The following DTNA variants were observed in gnomAD, a reference collection of about 807,000 sequenced individuals.
DTNA encodes dystrobrevin alpha.
A neutral mutation model predicts 100.7 loss-of-function variants in DTNA; 43 were observed. The observed-to-expected ratio is 0.43, with a 90% CI of 0.33 to 0.55. The LOEUF (loss-of-function observed/expected upper bound fraction) is 0.55, where lower values mean the gene tolerates loss of function less well. DTNA is among the 20% of genes least tolerant of loss of function. The pLI, the probability that DTNA is intolerant of heterozygous loss-of-function variation, is 0.04. For synonymous variants in DTNA, 349 were observed against 347.9 expected (o/e 1.00, Z -0.04); for missense variants, 798 against 953.9 (o/e 0.84, Z 2.15).
intron 17 of DTNA, among the ~76,000 whole-genome samples, chr18:34,873,740 T>C (rs1357871642): frequency 6.6e-6 from 1 of 152,202 alleles, no homozygotes; most frequent in Non-Finnish European, 1.5e-5. Flanking sequence ...TGTGAAATTA[T>C]TTATTATTGG....
At chr18:34,556,564 T>G (rs1267423918) in intron 1 of DTNA, among the ~76,000 whole-genome samples, 2 of 152,158 alleles carry the variant, frequency 1.3e-5, no homozygotes, top group Non-Finnish European at 2.9e-5. Flanking sequence ...AGGGCAGGCC[T>G]GGTGGTGACA....
intron 1 of DTNA, among the ~76,000 whole-genome samples, chr18:34,664,988 T>C (rs1015690285): frequency 9.2e-5 from 14 of 151,388 alleles, no homozygotes; most frequent in South Asian, 2.1e-4. Flanking sequence ...TCTTCTTCTT[T>C]TTTTTTTTTT....
intron 1 of DTNA, among the ~76,000 whole-genome samples, chr18:34,620,274 G>A (rs911681288): frequency 2.0e-5 from 3 of 152,104 alleles, no homozygotes; most frequent in Admixed American, 2.0e-4. Flanking sequence ...AAAATGAGAG[G>A]TAGCTAAATG....
Position 34,829,494 on chromosome 18 carries a change from G to C in DTNA, c.1175+5G>C. 2 of 1,512,678 alleles carry C rather than the reference G, an allele frequency of 1.3e-6. No homozygotes were observed. Among genetic ancestry groups the C allele is most frequent in the Non-Finnish European group, 1.8e-6 (2 of 1,130,292 alleles). 93.7% of individuals were successfully genotyped at this position (1,512,678 alleles called of 1,614,324 possible). A position where few individuals can be genotyped will look rare whatever the true frequency, so the allele number is the denominator to read the frequency against. On this transcript the variant is annotated splice_donor_5th_base_variant and intron_variant, in intron 11 of 22. Transcript: ENST00000444659. ...TCAGCTTGATCACGGTGCACGGTCAGTATCCCAGCCCTGAATTGCTAATCG... is the reference window on the plus strand; with the variant it reads ...TCAGCTTGATCACGGTGCACGGTCACTATCCCAGCCCTGAATTGCTAATCG...
At chr18:34,565,000 T>G (rs1174066420) in intron 1 of DTNA, among the ~76,000 whole-genome samples, 1 of 152,248 alleles carries the variant, frequency 6.6e-6, no homozygotes, top group Non-Finnish European at 1.5e-5. Context: ...TTGCATGCAC[T>G]CTACCTTATA....
chr18:34,683,582 T>C (rs1320544516), intron 1 of DTNA: 1 of 152,202 alleles, frequency 6.6e-6, no homozygotes, highest in Non-Finnish European at 1.5e-5. Flanking sequence ...ATTCAACCAA[T>C]GTCAATGTTG....
intron 1 of DTNA, among the ~76,000 whole-genome samples, chr18:34,667,055 G>A (rs1599836510): frequency 6.6e-6 from 1 of 152,252 alleles, no homozygotes; most frequent in African/African-American, 2.4e-5. Context: ...CTATCCATGA[G>A]CATGGAATGT....
At chr18:34,737,166 T>C (rs2089768834) in intron 1 of DTNA, among the ~76,000 whole-genome samples, 1 of 152,240 alleles carries the variant, frequency 6.6e-6, no homozygotes, top group Non-Finnish European at 1.5e-5. Context: ...CGGTATATTT[T>C]ATACATAAAA....
chr18:34,747,104 CTA>C (rs35537934), intron 1 of DTNA, among the ~76,000 whole-genome samples: 121,448 of 148,256 alleles, frequency 0.82, 50,818 homozygotes, highest in East Asian at 0.96. Flanking sequence ...ATATCTGTAT[CTA>C]TATATATATA....
chr18:34,781,201 C>A (rs1327042303), intron 3 of DTNA, among the ~76,000 whole-genome samples: 1 of 152,146 alleles, frequency 6.6e-6, no homozygotes, highest in African/African-American at 2.4e-5. Flanking sequence ...ACTTGATTTT[C>A]ATTATTCAGG....
At chr18:34,538,353 A>G (rs2043923266) in intron 1 of DTNA, among the ~76,000 whole-genome samples, 1 of 152,048 alleles carries the variant, frequency 6.6e-6, no homozygotes. Context: ...ATTGCTTGGG[A>G]TTAGAACAAA....
At chr18:34,824,692 G>T (rs913244819) in intron 9 of DTNA, among the ~76,000 whole-genome samples, 10 of 151,808 alleles carry the variant, frequency 6.6e-5, no homozygotes, top group African/African-American at 2.4e-4. Context: ...CAATACATTA[G>T]AAAATATTTT....
intron 1 of DTNA, among the ~76,000 whole-genome samples, chr18:34,564,439 T>C (rs1393156074): frequency 2.0e-5 from 3 of 152,220 alleles, no homozygotes; most frequent in African/African-American, 7.2e-5. Context: ...CCACAGCACC[T>C]GGCCCCCACA....
chr18:34,660,825 C>T (rs937139142), intron 1 of DTNA, among the ~76,000 whole-genome samples: 3 of 152,122 alleles, frequency 2.0e-5, no homozygotes, highest in Non-Finnish European at 2.9e-5. Flanking sequence ...TCCCCACCCC[C>T]GCTTTGAGTT....
intron 2 of DTNA, among the ~76,000 whole-genome samples, chr18:34,761,510 G>A (rs117479004): frequency 0.028 from 4,311 of 152,210 alleles, 67 homozygotes; most frequent in Middle Eastern, 0.054. Flanking sequence ...GAGAGAGGGA[G>A]AGAGAGGGAA....
chr18:34,747,706 G>A (rs1023175640), intron 1 of DTNA, among the ~76,000 whole-genome samples: 1 of 152,132 alleles, frequency 6.6e-6, no homozygotes, highest in Non-Finnish European at 1.5e-5. Flanking sequence ...ATTCCAAGGT[G>A]TATATGTATA....
At chr18:34,852,386 A>G (rs183145234) in intron 15 of DTNA, among the ~76,000 whole-genome samples, 4 of 151,530 alleles carry the variant, frequency 2.6e-5, no homozygotes, top group Admixed American at 6.6e-5. Flanking sequence ...CAAACATCCA[A>G]AGATCTCCAC....
At chr18:34,670,643 C>CA (rs1295898683) in intron 1 of DTNA, among the ~76,000 whole-genome samples, 2 of 152,204 alleles carry the variant, frequency 1.3e-5, no homozygotes, top group Non-Finnish European at 2.9e-5. Context: ...TTTTAACAGT[C>CA]AGGACCCTCA....
Position 34,863,934 on chromosome 18 carries a change from GC to G in DTNA, c.1647-30del, listed in dbSNP as rs372823041. 533 of 1,581,048 alleles carry G rather than the reference GC, an allele frequency of 3.4e-4. 2 individuals are homozygous for G. In the African/African-American group the frequency reaches 6.3e-3, roughly 19 times the overall value. On this transcript the variant is annotated intron_variant, in intron 16 of 22. Coordinates refer to ENST00000444659, the MANE Select transcript of DTNA (RefSeq NM_001386795.1). ...ATGTGATTAGCTCAGAGAGTTGCATGCCGCTTCTGATGTCAGCTGCTTCTTT... is the reference window on the plus strand; with the variant it reads ...ATGTGATTAGCTCAGAGAGTTGCATGCGCTTCTGATGTCAGCTGCTTCTTT...
Sources: gnomAD v4.1 joint callset for allele counts (sites outside exome capture counted in the v4.1 genomes callset) on GRCh38, gnomAD v4.1.1 for gene constraint, MANE v1.5 for transcripts, NCBI Gene and HGNC (gene_info 2026-07-23, HGNC 2026-07-21) for gene names.